AUTS2: variants seen among roughly 807,000 people sequenced by gnomAD.
AUTS2 encodes the protein activator of transcription and developmental regulator AUTS2, also known as autism susceptibility gene 2 protein.
In AUTS2, 17 loss-of-function variants were observed where a neutral mutation model predicts 112.4. The ratio of observed to expected loss-of-function variants is 0.15; its 90% confidence interval spans 0.10 to 0.23. The LOEUF is 0.23. Among genes scored for constraint, AUTS2 ranks in the 10% least tolerant of loss-of-function variants. AUTS2 has a pLI of 1.00. For missense variants in AUTS2, 1,510 were observed against 1,701.6 expected (o/e 0.89, Z 1.98); for synonymous variants, 751 against 702.7 (o/e 1.07, Z -1.09).
Position 70,152,683 on chromosome 7 carries a change from C to T in AUTS2, c.660+18112C>T, listed in dbSNP as rs116064125. On this transcript the variant is annotated intron_variant, in intron 4 of 18. Transcript: ENST00000342771. ...GAAATCAAAAAGCCTAGTTGAAAAA[C>T]GAGCAAAAGATTTGAACTGATGTGT... 6.3e-3 allele frequency among the ~76,000 whole-genome samples: 959 copies of T among 152,086 alleles called. 9 individuals are homozygous for T. The highest frequency in any genetic ancestry group is 0.022 in the African/African-American group (909 of 41,514).
chr7:70,472,573 A>AT (rs1361567293), intron 5 of AUTS2, among the ~76,000 whole-genome samples: 3 of 152,194 alleles, frequency 2.0e-5, no homozygotes, highest in African/African-American at 7.2e-5. Flanking sequence ...ATTACCAGCC[A>AT]TTAAAAATGT....
At chr7:70,447,428 T>G (rs2131010862) in intron 5 of AUTS2, among the ~76,000 whole-genome samples, 1 of 152,358 alleles carries the variant, frequency 6.6e-6, no homozygotes, top group South Asian at 2.1e-4. Context: ...AAGTAACTAT[T>G]GTTTAAATAG....
At chr7:70,769,481 G>C (rs1005023210) in intron 10 of AUTS2, among the ~76,000 whole-genome samples, 1 of 152,114 alleles carries the variant, frequency 6.6e-6, no homozygotes, top group South Asian at 2.1e-4. Flanking sequence ...GTCAGGAGAC[G>C]GAGACCATCC....
intron 4 of AUTS2, among the ~76,000 whole-genome samples, chr7:70,333,386 G>A (rs893565617): frequency 6.6e-6 from 1 of 152,176 alleles, no homozygotes; most frequent in African/African-American, 2.4e-5. Context: ...AACCATTGTG[G>A]AAGACAGTGT....
At chr7:69,850,220 A>G (rs1390150452) in intron 1 of AUTS2, among the ~76,000 whole-genome samples, 1 of 151,202 alleles carries the variant, frequency 6.6e-6, no homozygotes, top group Non-Finnish European at 1.5e-5. Flanking sequence ...AATAGCTTGA[A>G]CCCAGGAGGC....
chr7:69,889,222 GGTTACT>G (rs1794413066), intron 1 of AUTS2, among the ~76,000 whole-genome samples: 1 of 152,158 alleles, frequency 6.6e-6, no homozygotes, highest in Non-Finnish European at 1.5e-5. Context: ...TTTATAAACA[GGTTACT>G]GTGTGTCCTC....
rs541102406 is a variant in AUTS2 at position 70,571,169 on chromosome 7, A to G, written c.691-127400A>G. On this transcript the variant is annotated intron_variant, in intron 5 of 18. Transcript: ENST00000342771. ...CCTTTGAGCTAGATGAGCAATAAAG[A>G]TTAGAAGAAAGAGGTTAGGTATAAC... Among the ~76,000 whole-genome samples, 89 of 152,356 alleles carry G rather than the reference A, an allele frequency of 5.8e-4. 1 individual carries two copies. The highest frequency in any genetic ancestry group is 2.1e-3 in the African/African-American group (87 of 41,588).
intron 4 of AUTS2, among the ~76,000 whole-genome samples, chr7:70,235,413 C>T (rs1812271772): frequency 6.6e-6 from 1 of 152,098 alleles, no homozygotes; most frequent in Non-Finnish European, 1.5e-5. Flanking sequence ...GCTGAGATTA[C>T]AAGTGTGAGC....
chr7:69,820,105 G>C (rs1013550315), intron 1 of AUTS2, among the ~76,000 whole-genome samples: 5 of 152,118 alleles, frequency 3.3e-5, no homozygotes, highest in African/African-American at 1.2e-4. Flanking sequence ...GTACTGCCTG[G>C]GAGTCATATA....
rs371873508 is a variant in AUTS2, at chr7:69,939,713, G to C, written c.522+40215G>C. Among the ~76,000 whole-genome samples the C allele has an allele frequency of 2.6e-5, 4 of 152,146 alleles. No homozygotes were observed. In the East Asian group the frequency reaches 7.7e-4, roughly 29 times the overall value. The stretch of plus-strand genomic sequence containing the variant: ...CTTGTATAATCGTGGTTCCTACTTA[G>C]GCATAAGGTACTGTGTCTTCTCTGG... On this transcript the variant is annotated intron_variant, in intron 2 of 18. Coordinates refer to ENST00000342771, the MANE Select transcript of AUTS2 (RefSeq NM_015570.4).
intron 6 of AUTS2, among the ~76,000 whole-genome samples, chr7:70,717,001 T>A (rs923467802): frequency 2.0e-4 from 12 of 61,182 alleles, no homozygotes; most frequent in South Asian, 1.2e-3. Context: ...GTTATTTTTT[T>A]TTTTTTTTTT....
At chr7:70,697,306 A>T (rs1809170886) in intron 5 of AUTS2, among the ~76,000 whole-genome samples, 1 of 152,344 alleles carries the variant, frequency 6.6e-6, no homozygotes, top group East Asian at 1.9e-4. Context: ...TTGCACATAC[A>T]TTCATTGTTT....
intron 1 of AUTS2, among the ~76,000 whole-genome samples, chr7:69,825,189 G>A (rs999571837): frequency 6.6e-6 from 1 of 152,128 alleles, no homozygotes; most frequent in Non-Finnish European, 1.5e-5. Context: ...GACCTCTTCT[G>A]TTATGCATTA....
At chr7:70,455,960 C>T (rs1455359342) in intron 5 of AUTS2, among the ~76,000 whole-genome samples, 1 of 152,190 alleles carries the variant, frequency 6.6e-6, no homozygotes, top group Non-Finnish European at 1.5e-5. Context: ...ACTTACTAGC[C>T]ATGTGAGCTT....
At chr7:70,003,395 A>C (rs1563029663) in intron 2 of AUTS2, among the ~76,000 whole-genome samples, 1 of 113,302 alleles carries the variant, frequency 8.8e-6, no homozygotes, top group African/African-American at 3.6e-5. Context: ...ATAACATATG[A>C]ATATATATAA....
intron 1 of AUTS2, among the ~76,000 whole-genome samples, chr7:69,822,007 C>G (rs1405933499): frequency 6.7e-6 from 1 of 148,802 alleles, no homozygotes; most frequent in Non-Finnish European, 1.5e-5. Context: ...AGGGAAGTAA[C>G]AAGATTAGAG....
At chr7:70,140,235 G>A (rs1220751518) in intron 4 of AUTS2, among the ~76,000 whole-genome samples, 1 of 152,086 alleles carries the variant, frequency 6.6e-6, no homozygotes, top group Non-Finnish European at 1.5e-5. Flanking sequence ...TCAATTAGGA[G>A]CCACATATTT....
At chr7:70,118,260 A>AG in intron 3 of AUTS2, 27 bp downstream of exon 3, 1 of 1,555,228 alleles carries the variant, frequency 6.4e-7, no homozygotes, top group East Asian at 2.3e-5. Context: ...AAAAAAAAAA[A>AG]AAAAAAATTA....
intron 4 of AUTS2, among the ~76,000 whole-genome samples, chr7:70,177,771 A>C (rs997071042): frequency 8.6e-5 from 13 of 151,776 alleles, no homozygotes; most frequent in African/African-American, 2.4e-4. Flanking sequence ...CCCCTTACAA[A>C]GATTTGTGTT....
Sources: allele counts gnomAD v4.1 joint callset (sites outside exome capture counted in the v4.1 genomes callset), GRCh38; gene constraint gnomAD v4.1.1; transcripts MANE v1.5; gene names NCBI Gene and HGNC (gene_info 2026-07-23, HGNC 2026-07-21).